The following SCAF8 variants were observed in gnomAD, a reference collection of about 807,000 sequenced individuals.
The protein encoded by SCAF8 is SR-related CTD associated factor 8.
SCAF8 carries 23 observed loss-of-function variants against 140.5 expected under a neutral mutation model. The ratio of observed to expected loss-of-function variants is 0.16; its 90% confidence interval spans 0.12 to 0.23. SCAF8 has a LOEUF of 0.23. Ranked by LOEUF, SCAF8 falls within the 10% of genes least tolerant of loss-of-function variation. The pLI, the probability that SCAF8 is intolerant of heterozygous loss-of-function variation, is 1.00. For missense variants in SCAF8, 1,397 were observed against 1,555.7 expected (o/e 0.90, Z 1.72); for synonymous variants, 575 against 528.9 (o/e 1.09, Z -1.20).
intron 1 of SCAF8, among the ~76,000 whole-genome samples, chr6:154,747,896 C>CTGTGTGTGTGTGTGTG (rs71021073): frequency 2.3e-4 from 33 of 144,736 alleles, no homozygotes; most frequent in African/African-American, 3.0e-4. Flanking sequence ...CATTTCATTT[C>CTGTGTGTGTGTGTGTG]TGTGTGTGTG....
intron 3 of SCAF8, among the ~76,000 whole-genome samples, chr6:154,782,947 C>T (rs1777127103): frequency 6.6e-6 from 1 of 152,126 alleles, no homozygotes; most frequent in South Asian, 2.1e-4. Flanking sequence ...ACAGACACAT[C>T]CAAGATCAAT....
rs1457707505 is a variant in SCAF8, at chr6:154,820,301, G to A, written c.1760G>A (p.Gly587Glu). Residue 587 changes from glycine to glutamate, a missense_variant, in exon 15 of 20, where the codon GGA becomes GAA. By Grantham distance (98) the Gly-to-Glu change is moderately conservative. This residue lies in a region of SCAF8 where 930 missense variants were observed against 874.6 expected (regional missense o/e 1.06). Transcript: ENST00000367178. ...GATGACTTGGAAGGTTTTGCAGAAG[G>A]AGGCATGATTGATCAGGAGACTGTA... Reference protein sequence around the residue: ...KVDDLEGFAEGGMIDQETVNT... With the variant: ...KVDDLEGFAEEGMIDQETVNT... The A allele has an allele frequency of 6.2e-7, 1 of 1,611,044 alleles. No homozygotes were observed. The highest frequency in any genetic ancestry group is 1.7e-5 in the Admixed American group (1 of 59,020).
chr6:154,818,368 A>G (rs1054027338), intron 13 of SCAF8, 111 bp from the exon 14 acceptor site: 6 of 445,116 alleles, frequency 1.3e-5, no homozygotes, highest in African/African-American at 8.2e-5. Flanking sequence ...TCAGTAATCT[A>G]TCAGAATTGA....
chr6:154,808,682 C>G lies in SCAF8; in HGVS notation c.1114-4C>G, dbSNP rs549293915. 2.5e-6 allele frequency: 4 copies of G among 1,581,416 alleles called. No individual in the cohort carries two copies. The South Asian group carries it at 3.3e-5, about 13-fold the overall frequency. ...GTTTGTTTGCTGTTCTTTTGACTTT[C>G]AAGGATATGGATATAGATGAAGGGC... On this transcript the variant is annotated splice_polypyrimidine_tract_variant and splice_region_variant and intron_variant, in intron 10 of 19. Coordinates refer to ENST00000367178, the MANE Select transcript of SCAF8 (RefSeq NM_014892.5).
At chr6:154,793,467 A>AT (rs540331720) in intron 5 of SCAF8, among the ~76,000 whole-genome samples, 1 of 151,612 alleles carries the variant, frequency 6.6e-6, no homozygotes, top group African/African-American at 2.4e-5. Context: ...TTTTTTCATA[A>AT]TTTTTTCATA....
intron 1 of SCAF8, among the ~76,000 whole-genome samples, chr6:154,742,246 A>G (rs1277085183): frequency 6.6e-6 from 1 of 152,190 alleles, no homozygotes; most frequent in Non-Finnish European, 1.5e-5. Flanking sequence ...GTGAGCATAA[A>G]TCATATATAT....
chr6:154,734,601 G>A (rs1778360824), intron 1 of SCAF8, among the ~76,000 whole-genome samples: 2 of 152,228 alleles, frequency 1.3e-5, no homozygotes, highest in Admixed American at 6.5e-5. Context: ...AGAGATGGAA[G>A]ATTATGGGGG....
At chr6:154,812,369 G>A (rs1347515098) in intron 12 of SCAF8, among the ~76,000 whole-genome samples, 6 of 132,556 alleles carry the variant, frequency 4.5e-5, no homozygotes, top group African/African-American at 1.7e-4. Flanking sequence ...ACATAATGCT[G>A]TTGCACACTT....
At position 154,833,490 on chromosome 6, in the gene SCAF8, G is replaced by C; in HGVS notation, c.*95G>C. 8.2e-7 allele frequency: 1 copy of C among 1,221,468 alleles called. No homozygotes were observed. Among genetic ancestry groups the C allele is most frequent in the South Asian group, 1.5e-5 (1 of 64,982 alleles). 75.7% of individuals were successfully genotyped at this position (1,221,468 alleles called of 1,614,324 possible). A position where few individuals can be genotyped will look rare whatever the true frequency, so the allele number is the denominator to read the frequency against. On this transcript the variant is annotated 3_prime_UTR_variant, in exon 20 of 20. Transcript: ENST00000367178. ...GGACCATAGTTGTTCACTTTTGTCT[G>C]CCAGAATTAAGTTAATCTGATGTTC...
At chr6:154,744,077 G>A (rs1182608654) in intron 1 of SCAF8, among the ~76,000 whole-genome samples, 2 of 152,132 alleles carry the variant, frequency 1.3e-5, no homozygotes, top group African/African-American at 2.4e-5. Flanking sequence ...GGTGGATCAC[G>A]AGGTCAGGAG....
intron 3 of SCAF8, among the ~76,000 whole-genome samples, chr6:154,780,639 T>A (rs550439405): frequency 2.5e-4 from 38 of 152,288 alleles, no homozygotes; most frequent in African/African-American, 8.9e-4. Flanking sequence ...TTTCTGTTCC[T>A]ATGTTAGTTT....
intron 1 of SCAF8, among the ~76,000 whole-genome samples, chr6:154,773,008 T>A (rs974724568): frequency 8.5e-5 from 13 of 152,108 alleles, no homozygotes; most frequent in Non-Finnish European, 1.6e-4. Context: ...GATCTACCTG[T>A]CTAGGCCTCC....
At chr6:154,789,406 C>T (rs576292047) in intron 4 of SCAF8, among the ~76,000 whole-genome samples, 4 of 151,664 alleles carry the variant, frequency 2.6e-5, no homozygotes, top group Admixed American at 1.3e-4. Context: ...CCACTGTGCC[C>T]GGCCAGAGAT....
intron 3 of SCAF8, among the ~76,000 whole-genome samples, chr6:154,786,193 G>A (rs1354037409): frequency 1.3e-5 from 2 of 152,194 alleles, no homozygotes; most frequent in African/African-American, 2.4e-5. Flanking sequence ...AGGGGCTCGG[G>A]AAGTGGGGAG....
Position 154,810,187 on chromosome 6 carries a change from A to G in SCAF8, c.1399A>G (p.Ile467Val), listed in dbSNP as rs147374603. The change falls in exon 12 of 20, where the codon ATT becomes GTT. Residue 467 changes from isoleucine to valine, a missense_variant. Around this residue, in one of 5 missense-constraint regions of SCAF8, gnomAD observed 339 missense variants for 407.5 expected, o/e 0.83. Transcript: ENST00000367178. The part of the protein sequence containing the change: ...KERQKKGLPP[I>V]RSKTLSVCST... ...ACGACAGAAAAAGGGATTACCTCCAATTAGATCTAAAACACTAAGTGGTAA... is the reference window on the plus strand; with the variant it reads ...ACGACAGAAAAAGGGATTACCTCCAGTTAGATCTAAAACACTAAGTGGTAA... 11 of 1,608,700 alleles carry G rather than the reference A, an allele frequency of 6.8e-6. No individual in the cohort carries two copies. Among genetic ancestry groups the G allele is most frequent in the African/African-American group, 4.0e-5 (3 of 74,570 alleles).
intron 1 of SCAF8, among the ~76,000 whole-genome samples, chr6:154,764,549 A>G (rs1776507000): frequency 6.6e-6 from 1 of 152,210 alleles, no homozygotes; most frequent in Non-Finnish European, 1.5e-5. Context: ...AGGCACCAGT[A>G]GCCCTAGAAA....
rs1040018948 is a variant in SCAF8, at chr6:154,795,047, C to G, written c.514C>G (p.Gln172Glu). 6.2e-7 allele frequency: 1 copy of G among 1,612,164 alleles called. No homozygotes were observed. The highest frequency in any genetic ancestry group is 8.5e-7 in the Non-Finnish European group (1 of 1,179,320). Residue 172 changes from glutamine (Q) to glutamate (E), a missense_variant, in exon 6 of 20, where the codon CAA becomes GAA. By Grantham distance (29) the Gln-to-Glu change is conservative. This residue lies in a region of SCAF8 where 339 missense variants were observed against 407.5 expected (regional missense o/e 0.83). Transcript: ENST00000367178. The stretch of plus-strand genomic sequence containing the variant: ...ACCTGTTACTCCGGCCAATGTGGTC[C>G]AAGGCTTACCTGATCCGTGGGTATC... ...VTPVTPANVV[Q>E]GLPDPWVSQI... is the part of the protein sequence containing the mutation.
At chr6:154,745,939 G>A (rs964341902) in intron 1 of SCAF8, among the ~76,000 whole-genome samples, 1 of 152,142 alleles carries the variant, frequency 6.6e-6, no homozygotes, top group Admixed American at 6.5e-5. Flanking sequence ...AGGCTAGAGT[G>A]CAGTGGCTTG....
At chr6:154,822,526 A>G in intron 16 of SCAF8, 117 bp downstream of exon 16, 2 of 1,049,224 alleles carry the variant, frequency 1.9e-6, no homozygotes, top group Non-Finnish European at 1.4e-6. Flanking sequence ...AATGTTTGTC[A>G]GTAGTGTTAG....
Sources: allele counts gnomAD v4.1 joint callset (sites outside exome capture counted in the v4.1 genomes callset), GRCh38; gene constraint gnomAD v4.1.1; regional missense constraint gnomAD v4.1.1; transcripts MANE v1.5; gene names NCBI Gene and HGNC (gene_info 2026-07-23, HGNC 2026-07-21).